The following ADSL variants were observed in gnomAD, a reference collection of about 807,000 sequenced individuals.
The protein encoded by ADSL is adenylosuccinate lyase.
ADSL carries 44 observed loss-of-function variants against 62.1 expected under a neutral mutation model. The ratio of observed to expected loss-of-function variants is 0.71; its 90% CI spans 0.56 to 0.91. The LOEUF is 0.91. ADSL is among the 40% of genes least tolerant of loss of function. ADSL has a pLI of 0.00. For synonymous variants in ADSL, 198 were observed against 220.5 expected (o/e 0.90, Z 0.90); for missense variants, 531 against 627.4 (o/e 0.85, Z 1.64).
chr22:40,357,840 C>T (rs944442564), intron 4 of ADSL, among the ~76,000 whole-genome samples: 2 of 152,018 alleles, frequency 1.3e-5, no homozygotes, highest in African/African-American at 2.4e-5. Context: ...GTCACAGTCT[C>T]GGCTCATTGC....
Position 40,352,683 on chromosome 22 carries a change from G to A in ADSL, c.358-390G>A, listed in dbSNP as rs142653863. On this transcript the variant is annotated intron_variant, in intron 2 of 12. Transcript: ENST00000623063. ...CTTAATTGAGAATTTTTTTAATATTGGAGAGACAGTCTTGCTGTGTTACAC... is the reference window on the plus strand; with the variant it reads ...CTTAATTGAGAATTTTTTTAATATTAGAGAGACAGTCTTGCTGTGTTACAC... Among the ~76,000 whole-genome samples, 337 of 152,150 alleles carry A rather than the reference G, an allele frequency of 2.2e-3. 2 individuals are homozygous for A. The highest frequency in any genetic ancestry group is 5.2e-3 in the South Asian group (25 of 4,814).
intron 10 of ADSL, 32 bp from the exon 11 acceptor site, chr22:40,364,244 T>C (rs1384725802): frequency 6.2e-7 from 1 of 1,601,926 alleles, no homozygotes. Context: ...TGAGGCACCT[T>C]TCTTGGTCAT....
Position 40,367,012 on chromosome 22 carries a change from G to T in ADSL, c.*490G>T, listed in dbSNP as rs1226721667. The stretch of plus-strand genomic sequence containing the variant: ...AAAAAAAAAAGAACCAAACCCTGAT[G>T]TGACCATCAGGCTGATTGAGCTGAA... On this transcript the variant is annotated 3_prime_UTR_variant, in exon 13 of 13. Coordinates refer to ENST00000623063, the MANE Select transcript of ADSL (RefSeq NM_000026.4). 5.9e-6 allele frequency: 1 copy of T among 169,264 alleles called. No homozygotes were observed. Among genetic ancestry groups the T allele is most frequent in the Non-Finnish European group, 1.3e-5 (1 of 78,836 alleles). The allele number at this position is 169,264 out of a possible 1,614,324, so 10.5% of individuals were successfully genotyped here.
intron 9 of ADSL, among the ~76,000 whole-genome samples, chr22:40,362,639 G>A (rs1242880062): frequency 3.3e-5 from 5 of 152,228 alleles, no homozygotes; most frequent in Non-Finnish European, 7.3e-5. Flanking sequence ...GGTGAGTGGG[G>A]CGCTACTGCC....
At chr22:40,359,669 A>C (rs2044704832) in intron 6 of ADSL, among the ~76,000 whole-genome samples, 1 of 151,556 alleles carries the variant, frequency 6.6e-6, no homozygotes, top group Admixed American at 6.6e-5. Context: ...CCCTGTGACT[A>C]CAGGCATGCC....
At chr22:40,359,061 A>C in intron 5 of ADSL, 26 bp downstream of exon 5, 3 of 1,613,496 alleles carry the variant, frequency 1.9e-6, no homozygotes, top group Non-Finnish European at 2.5e-6. Flanking sequence ...CCTGCAGGAC[A>C]CAGAAACTCA....
At chr22:40,386,486 G>C (rs9611325) in intron 2 of ADSL, among the ~76,000 whole-genome samples, 1 of 148,914 alleles carries the variant, frequency 6.7e-6, no homozygotes, top group Non-Finnish European at 1.5e-5. Flanking sequence ...TCAGATTAAA[G>C]TAGTAGAAAT....
At chr22:40,378,238 T>A (rs2046979437) in intron 2 of ADSL, 1 of 151,940 alleles carries the variant, frequency 6.6e-6, no homozygotes, top group Admixed American at 6.6e-5. Flanking sequence ...GAGACTACCC[T>A]GGGCAACATA....
intron 12 of ADSL, 84 bp downstream of exon 12, chr22:40,365,140 G>A (rs2146674677): frequency 2.9e-6 from 4 of 1,393,716 alleles, no homozygotes; most frequent in Non-Finnish European, 4.1e-6. Flanking sequence ...AGGAGGTATG[G>A]TGGGAATGGG....
chr22:40,360,376 T>C (rs754279136), intron 6 of ADSL, 26 bp from the exon 7 acceptor site: 1 of 1,588,058 alleles, frequency 6.3e-7, no homozygotes, highest in Non-Finnish European at 8.6e-7. Flanking sequence ...TATTTTAACC[T>C]AAGTCTCTCT....
At chr22:40,370,876 G>A (rs1188162058), downstream of ADSL, among the ~76,000 whole-genome samples, 1 of 152,200 alleles carries the variant, frequency 6.6e-6, no homozygotes, top group African/African-American at 2.4e-5. Flanking sequence ...CCGTTGGAAT[G>A]GGGGCCGGGG....
At chr22:40,363,135 T>C in intron 10 of ADSL, 64 bp downstream of exon 10, 8 of 1,488,468 alleles carry the variant, frequency 5.4e-6, no homozygotes, top group Non-Finnish European at 7.5e-6. Context: ...GGGAGGGTGC[T>C]CTGGGGTGTG....
chr22:40,366,700 G>C lies in ADSL; in HGVS notation c.*178G>C, dbSNP rs2045018948. On this transcript the variant is annotated 3_prime_UTR_variant, in exon 13 of 13. Coordinates refer to ENST00000623063, the MANE Select transcript of ADSL (RefSeq NM_000026.4). The stretch of plus-strand genomic sequence containing the variant: ...TTTCTCAACAAGGCAAAAACAAAGA[G>C]CGTTGAAGTTGACTCTGCTCTTGCA... 8.2e-6 allele frequency: 5 copies of C among 607,562 alleles called. No individual in the cohort carries two copies. The highest frequency in any genetic ancestry group is 5.5e-5 in the African/African-American group (3 of 54,334). The allele number at this position is 607,562 out of a possible 1,614,324, so 37.6% of individuals were successfully genotyped here. A position where few individuals can be genotyped will look rare whatever the true frequency, so the allele number is the denominator to read the frequency against.
At chr22:40,377,752 G>A (rs1418014921) in intron 2 of ADSL, among the ~76,000 whole-genome samples, 2 of 151,872 alleles carry the variant, frequency 1.3e-5, no homozygotes, top group Middle Eastern at 3.4e-3. Flanking sequence ...AGGCTGAGGT[G>A]GGAAGATTAC....
intron 2 of ADSL, among the ~76,000 whole-genome samples, chr22:40,377,280 G>C (rs1167445254): frequency 6.6e-6 from 1 of 152,172 alleles, no homozygotes; most frequent in Non-Finnish European, 1.5e-5. Context: ...TTGAATCTTA[G>C]GTTGAATGAC....
intron 4 of ADSL, among the ~76,000 whole-genome samples, chr22:40,357,621 T>C (rs944475683): frequency 5.3e-5 from 8 of 152,212 alleles, no homozygotes; most frequent in Non-Finnish European, 1.2e-4. Flanking sequence ...TTATGTGTGT[T>C]GTGTAGCTGT....
rs376561390 is a variant in ADSL, at chr22:40,357,143, G to T, written c.483-1721G>T. On this transcript the variant is annotated intron_variant, in intron 4 of 12. Coordinates refer to ENST00000623063, the MANE Select transcript of ADSL (RefSeq NM_000026.4). Reference sequence around the variant, plus strand: ...ACTCCTGGCTTCAAGTGATCCACCTGCCTCGGCCTCCCAAAGTGCTGGGAT... The same window carrying T: ...ACTCCTGGCTTCAAGTGATCCACCTTCCTCGGCCTCCCAAAGTGCTGGGAT... 5.1e-4 allele frequency among the ~76,000 whole-genome samples: 77 copies of T among 151,732 alleles called. 2 individuals are homozygous for T. The South Asian group carries it at 0.016, about 31-fold the overall frequency.
intron 1 of ADSL, among the ~76,000 whole-genome samples, chr22:40,347,872 A>T (rs2044201260): frequency 6.6e-6 from 1 of 152,220 alleles, no homozygotes; most frequent in Non-Finnish European, 1.5e-5. Context: ...AGTAGACCTT[A>T]ATCATGTGTT....
chr22:40,356,385 A>G (rs1157074312), intron 4 of ADSL, among the ~76,000 whole-genome samples: 7 of 151,268 alleles, frequency 4.6e-5, no homozygotes, highest in Middle Eastern at 3.4e-3. Flanking sequence ...AAATAACACA[A>G]ATAGCTGGGT....
Sources: allele counts gnomAD v4.1 joint callset (sites outside exome capture counted in the v4.1 genomes callset), GRCh38; gene constraint gnomAD v4.1.1; transcripts MANE v1.5; gene names NCBI Gene and HGNC (gene_info 2026-07-23, HGNC 2026-07-21).